ZC3H3: variants seen among roughly 807,000 people sequenced by gnomAD.
ZC3H3 encodes the protein zinc finger CCCH domain-containing protein 3.
Under a neutral mutation model 77.3 loss-of-function variants are expected in ZC3H3, and 36 were observed. That is an observed-to-expected ratio of 0.47 (90% CI 0.36 to 0.61). The LOEUF (loss-of-function observed/expected upper bound fraction) is 0.61. ZC3H3 is among the 20% of genes least tolerant of loss of function. ZC3H3 has a pLI of 0.00. For synonymous variants in ZC3H3, 626 were observed against 555.2 expected (o/e 1.13, Z -1.79); for missense variants, 1,331 against 1,312.2 (o/e 1.01, Z -0.22).
intron 8 of ZC3H3, among the ~76,000 whole-genome samples, chr8:143,466,598 G>T (rs1293347312): frequency 2.0e-5 from 3 of 152,136 alleles, no homozygotes; most frequent in Non-Finnish European, 2.9e-5. Context: ...GAAGCAGGGG[G>T]TCTCTTGCCA....
chr8:143,464,624 CG>C (rs1820358308), intron 9 of ZC3H3, among the ~76,000 whole-genome samples: 1 of 152,192 alleles, frequency 6.6e-6, no homozygotes, highest in Non-Finnish European at 1.5e-5. Context: ...GCCAGAGCTT[CG>C]GGCCCGGTGT....
intron 9 of ZC3H3, among the ~76,000 whole-genome samples, chr8:143,456,884 A>G (rs892233238): frequency 2.6e-5 from 4 of 152,140 alleles, no homozygotes; most frequent in Non-Finnish European, 4.4e-5. Context: ...AACAACAACA[A>G]CAACAACGAA....
In ZC3H3 at chr8:143,465,783, C is replaced by T. The variant is rs1485189024; in HGVS notation, c.2241G>A (p.Val747=). The change falls in exon 9 of 12, where the codon GTG becomes GTA. Residue 747 remains valine, a synonymous_variant. Transcript: ENST00000262577. ...CSNSNCPYSH[V]YVSRKAEVCS... is the part of the protein sequence containing the mutation. ...AGACCTCGGCCTTGCGGGACACGTA[C>T]ACGTGGCTATAGGGACAGTTGCTGT... The T allele has an allele frequency of 1.2e-6, 2 of 1,613,810 alleles. No individual in the cohort carries two copies. The highest frequency in any genetic ancestry group is 1.7e-5 in the Admixed American group (1 of 60,010).
chr8:143,476,166 T>C (rs907269202), intron 4 of ZC3H3, among the ~76,000 whole-genome samples: 1 of 152,130 alleles, frequency 6.6e-6, no homozygotes, highest in African/African-American at 2.4e-5. Flanking sequence ...ACAGACACCA[T>C]AGGGTCAGCA....
At chr8:143,459,240 A>G (rs533888281) in intron 9 of ZC3H3, among the ~76,000 whole-genome samples, 1 of 152,320 alleles carries the variant, frequency 6.6e-6, no homozygotes, top group East Asian at 1.9e-4. Flanking sequence ...ACATTCAGCA[A>G]CACATTAAAA....
intron 9 of ZC3H3, among the ~76,000 whole-genome samples, chr8:143,442,299 C>T (rs905264089): frequency 3.3e-5 from 5 of 151,988 alleles, no homozygotes; most frequent in Non-Finnish European, 7.4e-5. Flanking sequence ...AGTCCCTCTA[C>T]ACAGCGCCTC....
Position 143,475,503 on chromosome 8 carries a change from C to G in ZC3H3, c.1798G>C (p.Gly600Arg), listed in dbSNP as rs752694030. ...AGGACCCCTCCGATGCAGCGGTAGC[C>G]TTTGCTCCGCCACCAAGGGGAGCCC... is the stretch of plus-strand genomic sequence containing the variant. ...QPGSPWWRSK[G>R]YRCIGGVLYK... Residue 600 changes from glycine to arginine, a missense_variant, in exon 5 of 12, where the codon GGC becomes CGC. This residue lies in a region of ZC3H3 where 978 missense variants were observed against 915.5 expected (regional missense o/e 1.07). Transcript: ENST00000262577. 1 of 1,612,768 alleles carries G rather than the reference C, an allele frequency of 6.2e-7. No homozygotes were observed. Among genetic ancestry groups the G allele is most frequent in the African/African-American group, 1.3e-5 (1 of 75,072 alleles).
rs143390345 is a variant in ZC3H3, at chr8:143,464,867, C to T, written c.2307+850G>A. Among the ~76,000 whole-genome samples the T allele has an allele frequency of 9.5e-4, 145 of 152,262 alleles. 2 individuals are homozygous for T. The highest frequency in any genetic ancestry group is 3.4e-3 in the African/African-American group (141 of 41,548). Reference sequence around the variant, plus strand: ...GGAGGCCCCCAGCCTCAGCCACAAGCCTTAGGCCAGGTGCAGGAGCCCCCA... The same window carrying T: ...GGAGGCCCCCAGCCTCAGCCACAAGTCTTAGGCCAGGTGCAGGAGCCCCCA... On this transcript the variant is annotated intron_variant, in intron 9 of 11. Coordinates refer to ENST00000262577, the MANE Select transcript of ZC3H3 (RefSeq NM_015117.3).
intron 11 of ZC3H3, among the ~76,000 whole-genome samples, chr8:143,439,808 G>A (rs143120770): frequency 2.7e-5 from 4 of 149,290 alleles, no homozygotes; most frequent in East Asian, 3.9e-4. Flanking sequence ...GCCCGAGCCC[G>A]GCCATGCTGC....
At chr8:143,500,547 C>T (rs1821493250) in intron 4 of ZC3H3, among the ~76,000 whole-genome samples, 1 of 152,256 alleles carries the variant, frequency 6.6e-6, no homozygotes, top group East Asian at 1.9e-4. Flanking sequence ...AATACCACAG[C>T]CTGCGTCATT....
intron 3 of ZC3H3, among the ~76,000 whole-genome samples, chr8:143,529,454 C>T (rs1280729549): frequency 6.6e-6 from 1 of 152,200 alleles, no homozygotes; most frequent in Non-Finnish European, 1.5e-5. Flanking sequence ...CAGAAAGGAT[C>T]GTGTGCACAG....
intron 4 of ZC3H3, among the ~76,000 whole-genome samples, chr8:143,476,524 A>T (rs1214100235): frequency 6.6e-6 from 1 of 152,134 alleles, no homozygotes; most frequent in Non-Finnish European, 1.5e-5. Context: ...TGCAGCTGCC[A>T]GCCACACCCA....
intron 5 of ZC3H3, among the ~76,000 whole-genome samples, chr8:143,471,754 A>AC (rs1820571469): frequency 6.6e-6 from 1 of 151,962 alleles, no homozygotes. Flanking sequence ...CAGGACAGCC[A>AC]CCCCCACCCC....
intron 3 of ZC3H3, among the ~76,000 whole-genome samples, chr8:143,522,562 C>T (rs973177357): frequency 2.6e-5 from 4 of 151,834 alleles, no homozygotes; most frequent in South Asian, 4.1e-4. Context: ...AAGACTGTGC[C>T]GCTGCACACT....
rs1822924343 is a variant in ZC3H3 at position 143,539,148 on chromosome 8, T to C, written c.219A>G (p.Lys73=). The C allele has an allele frequency of 1.2e-6, 2 of 1,612,868 alleles. No individual in the cohort carries two copies. The highest frequency in any genetic ancestry group is 1.3e-5 in the African/African-American group (1 of 75,006). The change falls in exon 2 of 12, where the codon AAA becomes AAG. Residue 73 remains lysine (K), a synonymous_variant. Coordinates refer to ENST00000262577, the MANE Select transcript of ZC3H3 (RefSeq NM_015117.3). ...SSHHGPSWRK[K]YSLVNRPPGP... Reference sequence around the variant, plus strand: ...CCGGGGGCCGATTCACGAGGGAGTATTTCTTGCGCCACGAAGGCCCATGGT... The same window carrying C: ...CCGGGGGCCGATTCACGAGGGAGTACTTCTTGCGCCACGAAGGCCCATGGT...
At chr8:143,469,466 C>T (rs1335607509) in intron 5 of ZC3H3, among the ~76,000 whole-genome samples, 1 of 152,246 alleles carries the variant, frequency 6.6e-6, no homozygotes, top group Non-Finnish European at 1.5e-5. Context: ...TGGGCTGGCG[C>T]TGGCAGATCC....
chr8:143,488,622 T>C (rs917066929), intron 4 of ZC3H3, among the ~76,000 whole-genome samples: 1 of 152,140 alleles, frequency 6.6e-6, no homozygotes, highest in Non-Finnish European at 1.5e-5. Flanking sequence ...CAGGTGCTCA[T>C]GGGGTAGACA....
intron 5 of ZC3H3, among the ~76,000 whole-genome samples, chr8:143,470,559 G>C (rs865989528): frequency 6.6e-6 from 1 of 152,196 alleles, no homozygotes; most frequent in African/African-American, 2.4e-5. Flanking sequence ...GCAATGCGGC[G>C]GTCTGTCGGC....
chr8:143,465,659 G>A, intron 9 of ZC3H3, 58 bp downstream of exon 9: 1 of 1,601,938 alleles, frequency 6.2e-7, no homozygotes, highest in Non-Finnish European at 8.5e-7. Context: ...CCAGGAGTGA[G>A]CAGAGGACCA....
Sources: allele counts gnomAD v4.1 joint callset (sites outside exome capture counted in the v4.1 genomes callset), GRCh38; gene constraint gnomAD v4.1.1; regional missense constraint gnomAD v4.1.1; transcripts MANE v1.5; gene names NCBI Gene and HGNC (gene_info 2026-07-23, HGNC 2026-07-21).